Variants in ANKDD1A observed in about 807,000 individuals in gnomAD.
The protein encoded by ANKDD1A is ankyrin repeat and death domain-containing protein 1A.
Under a neutral mutation model 63.5 loss-of-function variants are expected in ANKDD1A, and 59 were observed. That is an observed-to-expected ratio of 0.93 (90% CI 0.75 to 1.15). ANKDD1A has a LOEUF of 1.15. Among genes scored for constraint, ANKDD1A ranks in the 50% most tolerant of loss-of-function variants. The pLI, the probability that ANKDD1A is intolerant of heterozygous loss-of-function variation, is 0.00. For missense variants in ANKDD1A, 632 were observed against 656.4 expected (o/e 0.96, Z 0.41); for synonymous variants, 266 against 263.9 (o/e 1.01, Z -0.08).
intron 7 of ANKDD1A, 56 bp downstream of exon 7, chr15:64,930,976 C>A (rs536589473): frequency 1.3e-6 from 2 of 1,551,080 alleles, no homozygotes; most frequent in South Asian, 2.3e-5. Flanking sequence ...TCTCTGCCTT[C>A]GAGGAACCCC....
rs1440791611 is a variant in ANKDD1A at position 64,954,621 on chromosome 15, TTTCTTCTTCCTTTTCTTCTTCC to T, written c.1484-2472_1484-2451del. Among the ~76,000 whole-genome samples the T allele has an allele frequency of 3.4e-4, 29 of 86,482 alleles. No homozygotes were observed. In the East Asian group the frequency reaches 5.1e-3, roughly 15 times the overall value. The allele number at this position is 86,482 out of a possible 152,430, so 56.7% of individuals were successfully genotyped here. On this transcript the variant is annotated intron_variant, in intron 14 of 14. Transcript: ENST00000319580. The stretch of plus-strand genomic sequence containing the variant: ...TCTCCTTCTTCCTCCTCCTTCCTCT[TTTCTTCTTCCTTTTCTTCTTCC>T]TTCTTCTTCTCCTTCTTTCTTCTTG...
chr15:64,951,019 G>A, intron 14 of ANKDD1A: 2 of 1,271,726 alleles, frequency 1.6e-6, no homozygotes, highest in South Asian at 2.6e-5. Flanking sequence ...CATGTAACCG[G>A]AGGGGCCAGA....
intron 3 of ANKDD1A, among the ~76,000 whole-genome samples, chr15:64,919,114 C>T (rs775458996): frequency 5.3e-5 from 8 of 152,056 alleles, no homozygotes; most frequent in East Asian, 1.9e-4. Context: ...AGTGATATGC[C>T]GCAGGACTCT....
chr15:64,912,788 A>C (rs1359016303), intron 1 of ANKDD1A, among the ~76,000 whole-genome samples: 1 of 152,242 alleles, frequency 6.6e-6, no homozygotes, highest in Non-Finnish European at 1.5e-5. Flanking sequence ...AGTGTCCAAA[A>C]TGCTGGCACA....
At chr15:64,931,440 G>C (rs768396962) in intron 7 of ANKDD1A, 47 bp from the exon 8 acceptor site, 20 of 1,561,314 alleles carry the variant, frequency 1.3e-5, no homozygotes, top group Middle Eastern at 1.9e-4. Context: ...GGGTCACTTG[G>C]GGGTGGGCCT....
intron 14 of ANKDD1A, among the ~76,000 whole-genome samples, chr15:64,954,940 G>GTCTCTTCTTCTCTCTCCTTCTTC (rs1566919375): frequency 2.0e-5 from 2 of 100,388 alleles, no homozygotes; most frequent in East Asian, 6.6e-4. Context: ...CCTTCTTCTT[G>GTCTCTTCTTCTCTCTCCTTCTTC]TCTCTTCTTC....
chr15:64,953,024 T>C (rs1197239316), intron 14 of ANKDD1A, among the ~76,000 whole-genome samples: 2 of 125,514 alleles, frequency 1.6e-5, no homozygotes, highest in Non-Finnish European at 3.3e-5. Context: ...CTTGTTCTTC[T>C]CCTCCTTCTT....
At chr15:64,940,427 G>GATAT (rs1255330189) in intron 9 of ANKDD1A, among the ~76,000 whole-genome samples, 38 of 104,428 alleles carry the variant, frequency 3.6e-4, no homozygotes, top group African/African-American at 1.2e-3. Context: ...TAGATAGATA[G>GATAT]ATAGATATAT....
chr15:64,952,816 TCTTCCTCCTC>T (rs2085321719), intron 14 of ANKDD1A, among the ~76,000 whole-genome samples: 1 of 146,410 alleles, frequency 6.8e-6, no homozygotes, highest in Admixed American at 6.8e-5. Flanking sequence ...TTCTCCTCCT[TCTTCCTCCTC>T]CTTCTTCCTT....
chr15:64,953,164 C>T (rs1431983002), intron 14 of ANKDD1A, among the ~76,000 whole-genome samples: 1 of 102,070 alleles, frequency 9.8e-6, no homozygotes, highest in Non-Finnish European at 2.2e-5. Context: ...TTTCTTCTTT[C>T]CTTCTTTTCT....
chr15:64,924,328 C>T (rs1275237474), intron 4 of ANKDD1A, among the ~76,000 whole-genome samples: 1 of 152,244 alleles, frequency 6.6e-6, no homozygotes, highest in Non-Finnish European at 1.5e-5. Context: ...GCTGGAAAGC[C>T]ACGTGGTATC....
intron 12 of ANKDD1A, among the ~76,000 whole-genome samples, chr15:64,946,814 T>C (rs551319844): frequency 2.7e-4 from 41 of 152,324 alleles, no homozygotes; most frequent in Admixed American, 7.8e-4. Context: ...ACCAGGATGA[T>C]TTTTTTCACC....
At chr15:64,952,648 T>TCTTCCTTCTCCTC (rs587634921) in intron 14 of ANKDD1A, among the ~76,000 whole-genome samples, 3 of 141,884 alleles carry the variant, frequency 2.1e-5, no homozygotes, top group East Asian at 2.2e-4. Context: ...TTCTTCTCCT[T>TCTTCCTTCTCCTC]CTCCTTCTTC....
intron 12 of ANKDD1A, 135 bp downstream of exon 12, chr15:64,944,882 G>C: frequency 1.3e-6 from 1 of 776,564 alleles, no homozygotes; most frequent in East Asian, 2.7e-5. Context: ...TCACCACCTT[G>C]TATGTTACCA....
intron 1 of ANKDD1A, 30 bp downstream of exon 1, chr15:64,911,994 G>GGGCCAA (rs145599455): frequency 5.2e-5 from 18 of 343,854 alleles, no homozygotes; most frequent in African/African-American, 3.6e-4. Context: ...GGAGGGGGGC[G>GGGCCAA]GGCCGAGGCC....
Position 64,917,428 on chromosome 15 carries a change from G to A in ANKDD1A, c.181G>A (p.Glu61Lys), listed in dbSNP as rs748437776. The change falls in exon 3 of 15, where the codon GAG becomes AAG. Residue 61 changes from glutamate (E) to lysine (K), a missense_variant. By Grantham distance (56) the Glu-to-Lys change is moderately conservative (BLOSUM62 1). Coordinates refer to ENST00000319580, the MANE Select transcript of ANKDD1A (RefSeq NM_182703.6). ...ALHWAAGAGH[E>K]QAVRLLLEHE... ...GCACTGGGCTGCAGGTGCAGGGCACGAGCAGGCTGTGCGTCTGCTTCTGGA... is the reference window on the plus strand; with the variant it reads ...GCACTGGGCTGCAGGTGCAGGGCACAAGCAGGCTGTGCGTCTGCTTCTGGA... The A allele has an allele frequency of 3.1e-6, 5 of 1,610,856 alleles. No individual in the cohort carries two copies. The highest frequency in any genetic ancestry group is 1.7e-5 in the Admixed American group (1 of 59,642).
At position 64,917,382 on chromosome 15, in the gene ANKDD1A, G is replaced by A. The variant is rs1037010057; in HGVS notation, c.139-4G>A. The A allele has an allele frequency of 6.2e-7, 1 of 1,602,536 alleles. No individual in the cohort carries two copies. The highest frequency in any genetic ancestry group is 1.1e-5 in the South Asian group (1 of 90,010). ...CCTGACAAGTGTCATCTCCCTCCGGGCAGGTGGGCAGGGTGGCCCTGCACT... is the reference window on the plus strand; with the variant it reads ...CCTGACAAGTGTCATCTCCCTCCGGACAGGTGGGCAGGGTGGCCCTGCACT... On this transcript the variant is annotated splice_polypyrimidine_tract_variant and splice_region_variant and intron_variant, in intron 2 of 14. Coordinates refer to ENST00000319580, the MANE Select transcript of ANKDD1A (RefSeq NM_182703.6).
chr15:64,922,305 C>A, intron 4 of ANKDD1A: 1 of 398,490 alleles, frequency 2.5e-6, no homozygotes. Context: ...CTCCTCCACC[C>A]TCCTGCCAGG....
chr15:64,955,368 C>A (rs1301250562), intron 14 of ANKDD1A, among the ~76,000 whole-genome samples: 1 of 152,194 alleles, frequency 6.6e-6, no homozygotes, highest in Admixed American at 6.5e-5. Flanking sequence ...GGCTGTCATG[C>A]ACCTGAAATG....
Sources: gnomAD v4.1 joint callset for allele counts (sites outside exome capture counted in the v4.1 genomes callset) on GRCh38, gnomAD v4.1.1 for gene constraint, MANE v1.5 for transcripts, NCBI Gene and HGNC (gene_info 2026-07-23, HGNC 2026-07-21) for gene names.